EEFSEC: variants seen among roughly 807,000 people sequenced by gnomAD.
EEFSEC encodes the protein selenocysteine-specific elongation factor.
Under a neutral mutation model 42.1 loss-of-function variants are expected in EEFSEC, and 43 were observed. That is an observed-to-expected ratio of 1.02 (90% CI 0.80 to 1.32). The LOEUF is 1.32. Ranked by LOEUF, EEFSEC falls within the 40% of genes most tolerant of loss-of-function variation. The pLI is 0.00. For missense variants in EEFSEC, 745 were observed against 803.6 expected (o/e 0.93, Z 0.88); for synonymous variants, 354 against 339.1 (o/e 1.04, Z -0.48).
intron 4 of EEFSEC, among the ~76,000 whole-genome samples, chr3:128,303,166 CTT>C (rs1257873247): frequency 1.3e-5 from 2 of 152,178 alleles, no homozygotes; most frequent in African/African-American, 4.8e-5. Context: ...GGAGGTCTCA[CTT>C]TTTTGTCCAG....
At chr3:128,231,664 C>T (rs982108134) in intron 1 of EEFSEC, among the ~76,000 whole-genome samples, 1 of 152,066 alleles carries the variant, frequency 6.6e-6, no homozygotes, top group Admixed American at 6.5e-5. Flanking sequence ...TGATTCCCAA[C>T]CCTGCCCCAG....
intron 1 of EEFSEC, among the ~76,000 whole-genome samples, chr3:128,214,113 CT>C (rs2065786458): frequency 6.6e-6 from 1 of 152,174 alleles, no homozygotes; most frequent in African/African-American, 2.4e-5. Flanking sequence ...TCTCCTAATT[CT>C]TAGAAGACAG....
chr3:128,403,150 G>A (rs906558432), intron 6 of EEFSEC, among the ~76,000 whole-genome samples: 3 of 152,186 alleles, frequency 2.0e-5, no homozygotes, highest in Admixed American at 6.5e-5. Flanking sequence ...TGCAGCTGCC[G>A]GAGCTCCCAA....
At chr3:128,312,981 G>A (rs1043133556) in intron 4 of EEFSEC, among the ~76,000 whole-genome samples, 4 of 152,182 alleles carry the variant, frequency 2.6e-5, no homozygotes, top group Non-Finnish European at 4.4e-5. Context: ...AAAGTCTAGG[G>A]TTACCATTTC....
chr3:128,316,245 G>T (rs1158905808), intron 4 of EEFSEC, among the ~76,000 whole-genome samples: 1 of 152,188 alleles, frequency 6.6e-6, no homozygotes, highest in Non-Finnish European at 1.5e-5. Context: ...ACTTCCCAGA[G>T]AAAGCCAGTG....
At chr3:128,177,420 G>A (rs2065362380) in intron 1 of EEFSEC, among the ~76,000 whole-genome samples, 1 of 49,658 alleles carries the variant, frequency 2.0e-5, no homozygotes, top group Non-Finnish European at 3.7e-5. Flanking sequence ...CCGCATCTCT[G>A]GATTTTACTG....
intron 1 of EEFSEC, among the ~76,000 whole-genome samples, chr3:128,188,631 T>C (rs1249168295): frequency 1.3e-5 from 2 of 152,228 alleles, no homozygotes; most frequent in African/African-American, 4.8e-5. Context: ...GTTGGTATTA[T>C]TGTTCCACAG....
At chr3:128,359,927 A>G (rs1199660086) in intron 6 of EEFSEC, among the ~76,000 whole-genome samples, 1 of 152,208 alleles carries the variant, frequency 6.6e-6, no homozygotes, top group African/African-American at 2.4e-5. Context: ...CTCTCCTGAC[A>G]GCCTTGCCAG....
chr3:128,199,206 C>A (rs2065618612), intron 1 of EEFSEC, among the ~76,000 whole-genome samples: 1 of 152,146 alleles, frequency 6.6e-6, no homozygotes, highest in Non-Finnish European at 1.5e-5. Flanking sequence ...TGTTTTTAAA[C>A]CTTTTTTCTC....
chr3:128,295,636 G>A lies in EEFSEC; in HGVS notation c.786+30855G>A, dbSNP rs146348370. Among the ~76,000 whole-genome samples, 503 of 145,786 alleles carry A rather than the reference G, an allele frequency of 3.5e-3. 1 individual carries two copies. The highest frequency in any genetic ancestry group is 0.012 in the African/African-American group (467 of 39,180). ...TTAAATCTTCCTTGGGGCTGGAACT[G>A]TGGTGAGAAGATGGAGAAGGACCCA... On this transcript the variant is annotated intron_variant, in intron 4 of 6. Coordinates refer to ENST00000254730, the MANE Select transcript of EEFSEC (RefSeq NM_021937.5).
At chr3:128,197,726 GGGTAGCAAC>G (rs1386277988) in intron 1 of EEFSEC, among the ~76,000 whole-genome samples, 1 of 152,122 alleles carries the variant, frequency 6.6e-6, no homozygotes, top group Non-Finnish European at 1.5e-5. Context: ...TCATGGCCCA[GGGTAGCAAC>G]AATCTGATTC....
At chr3:128,217,459 G>A (rs910188563) in intron 1 of EEFSEC, among the ~76,000 whole-genome samples, 5 of 152,152 alleles carry the variant, frequency 3.3e-5, no homozygotes, top group Non-Finnish European at 7.4e-5. Context: ...ACCAAAGACA[G>A]GAAAGACAGG....
chr3:128,416,489 C>T, the EEFSEC span, among the ~76,000 whole-genome samples: 1 of 152,166 alleles, frequency 6.6e-6, no homozygotes, highest in Admixed American at 6.5e-5. Flanking sequence ...CACCCCCACA[C>T]CATGCCCATC....
chr3:128,392,622 C>T (rs959359263), intron 6 of EEFSEC, among the ~76,000 whole-genome samples: 4 of 152,210 alleles, frequency 2.6e-5, no homozygotes, highest in African/African-American at 9.6e-5. Context: ...CAGAGCATCC[C>T]TGGCCCCACA....
intron 4 of EEFSEC, among the ~76,000 whole-genome samples, chr3:128,327,804 T>G (rs1176024772): frequency 6.6e-6 from 1 of 152,096 alleles, no homozygotes; most frequent in African/African-American, 2.4e-5. Context: ...GGCTCTGTAC[T>G]AGGGAAGTGG....
intron 4 of EEFSEC, among the ~76,000 whole-genome samples, chr3:128,287,156 G>A (rs1197391528): frequency 6.6e-6 from 1 of 152,204 alleles, no homozygotes; most frequent in Non-Finnish European, 1.5e-5. Context: ...CAGATTATTT[G>A]GAAGAGTGAA....
At chr3:128,340,087 G>C (rs1025260205) in intron 4 of EEFSEC, among the ~76,000 whole-genome samples, 1 of 152,080 alleles carries the variant, frequency 6.6e-6, no homozygotes, top group Non-Finnish European at 1.5e-5. Context: ...CCTCCCTGCT[G>C]TCTCCCTCCC....
intron 1 of EEFSEC, among the ~76,000 whole-genome samples, chr3:128,231,472 G>A (rs1037445916): frequency 1.3e-5 from 2 of 152,140 alleles, no homozygotes; most frequent in South Asian, 2.1e-4. Flanking sequence ...CAGTCTGCTA[G>A]GCACATCACA....
rs1576544461 is a variant in EEFSEC, at chr3:128,206,327, G to A, written c.317-40509G>A. Among the ~76,000 whole-genome samples the A allele has an allele frequency of 2.6e-5, 4 of 152,156 alleles. 1 individual carries two copies. In the South Asian group the frequency reaches 8.3e-4, roughly 31 times the overall value. The stretch of plus-strand genomic sequence containing the variant: ...AGGAGCTCCTCTTTGTGCTTGGCTT[G>A]CTTGGAGGCATTTGACCAATCATTA... On this transcript the variant is annotated intron_variant, in intron 1 of 6. Coordinates refer to ENST00000254730, the MANE Select transcript of EEFSEC (RefSeq NM_021937.5).
Sources: allele counts gnomAD v4.1 joint callset (sites outside exome capture counted in the v4.1 genomes callset), GRCh38; gene constraint gnomAD v4.1.1; transcripts MANE v1.5; gene names NCBI Gene and HGNC (gene_info 2026-07-23, HGNC 2026-07-21).